ANGPTL1: variants seen among roughly 807,000 people sequenced by gnomAD.
ANGPTL1 encodes angiopoietin like 1.
Under a neutral mutation model 46.7 loss-of-function variants are expected in ANGPTL1, and 36 were observed. That is an observed-to-expected ratio of 0.77 (90% confidence interval 0.59 to 1.02). ANGPTL1 has a LOEUF of 1.02. Ranked by LOEUF, ANGPTL1 falls within the 50% of genes least tolerant of loss-of-function variation. The pLI is 0.00. For synonymous variants in ANGPTL1, 221 were observed against 204.3 expected, an observed-to-expected ratio of 1.08 and a Z score of -0.69; for missense variants, 571 against 594.7, an observed-to-expected ratio of 0.96 and a Z score of 0.41.
chr1:178,868,108 A>AT (rs1013030686), intron 2 of ANGPTL1, among the ~76,000 whole-genome samples: 12 of 151,580 alleles, frequency 7.9e-5, no homozygotes, highest in Non-Finnish European at 7.4e-5. Context: ...ACACATGGGT[A>AT]TTTTTTTTAG....
Position 178,853,708 on chromosome 1 carries a change from G to T in ANGPTL1, c.903C>A (p.Ser301Arg). ...SGIYMIKPENSNGPMQLWCEN... is the reference protein window; with the variant it reads ...SGIYMIKPENRNGPMQLWCEN... ...CACACCATAACTGCATTGGTCCATT[G>T]CTGTTTTCAGGTTTAATCATATAAA... Residue 301 changes from serine to arginine, a missense_variant, in exon 4 of 6, where the codon AGC (serine) becomes AGA (arginine). By Grantham distance (110) the Ser-to-Arg change is moderately radical. Coordinates refer to ENST00000234816, the MANE Select transcript of ANGPTL1 (RefSeq NM_004673.4). 1 of 1,612,476 alleles carries T rather than the reference G, an allele frequency of 6.2e-7. No individual in the cohort carries two copies. Among genetic ancestry groups the T allele is most frequent in the Non-Finnish European group, 8.5e-7 (1 of 1,179,234 alleles).
chr1:178,862,634 G>GATTTATTTATTTAT (rs1466813784), intron 3 of ANGPTL1, among the ~76,000 whole-genome samples: 1 of 125,774 alleles, frequency 8.0e-6, no homozygotes, highest in African/African-American at 3.1e-5. Flanking sequence ...TATTTATTTG[G>GATTTATTTATTTAT]TTGGTTGGTT....
intron 3 of ANGPTL1, 38 bp from the exon 4 acceptor site, chr1:178,853,825 T>A: frequency 6.8e-7 from 1 of 1,480,138 alleles, no homozygotes; most frequent in Non-Finnish European, 9.0e-7. Flanking sequence ...GCAAACTTAA[T>A]ATGAGAAGAG....
chr1:178,857,473 C>T lies in ANGPTL1; in HGVS notation c.824-3686G>A, dbSNP rs1201063643. Among the ~76,000 whole-genome samples the T allele has an allele frequency of 2.0e-5, 3 of 152,196 alleles. No individual in the cohort carries two copies. The Middle Eastern group carries it at 0.01, about 518-fold the overall frequency. On this transcript the variant is annotated intron_variant, in intron 3 of 5. Transcript: ENST00000234816. ...AGAAGTCACAAGAAAGAGAGAATTC[C>T]ACTATAATATGACAAGTACTTTGAT...
intron 2 of ANGPTL1, among the ~76,000 whole-genome samples, chr1:178,866,019 TCCAGCTACCA>T: frequency 6.6e-6 from 1 of 152,294 alleles, no homozygotes; most frequent in South Asian, 2.1e-4. Context: ...GAATAACTCT[TCCAGCTACCA>T]CCTTATTGTA....
intron 2 of ANGPTL1, among the ~76,000 whole-genome samples, chr1:178,868,372 C>A (rs924451977): frequency 6.6e-6 from 1 of 151,904 alleles, no homozygotes; most frequent in Admixed American, 6.6e-5. Context: ...TAACTTACCA[C>A]TGCTAAAGTC....
At chr1:178,862,370 G>A (rs962931655) in intron 3 of ANGPTL1, among the ~76,000 whole-genome samples, 2 of 152,032 alleles carry the variant, frequency 1.3e-5, no homozygotes, top group African/African-American at 2.4e-5. Context: ...TTTAGCAACT[G>A]CAGGTAAGAC....
intron 3 of ANGPTL1, among the ~76,000 whole-genome samples, chr1:178,863,117 T>C (rs1658147945): frequency 6.6e-6 from 1 of 152,202 alleles, no homozygotes; most frequent in Non-Finnish European, 1.5e-5. Flanking sequence ...CTATGGAGTC[T>C]CTGTCTTCTA....
At chr1:178,860,681 A>G (rs1657941518) in intron 3 of ANGPTL1, among the ~76,000 whole-genome samples, 1 of 152,212 alleles carries the variant, frequency 6.6e-6, no homozygotes, top group African/African-American at 2.4e-5. Flanking sequence ...ATATAAGTAG[A>G]GTCTCATACA....
At chr1:178,864,729 G>T (rs1440263218) in intron 3 of ANGPTL1, among the ~76,000 whole-genome samples, 1 of 151,994 alleles carries the variant, frequency 6.6e-6, no homozygotes, top group East Asian at 1.9e-4. Context: ...TGGAAGACTG[G>T]TTTTTTTCAC....
At chr1:178,864,848 A>G (rs1658274963) in intron 3 of ANGPTL1, 106 bp downstream of exon 3, 2 of 686,406 alleles carry the variant, frequency 2.9e-6, no homozygotes, top group Non-Finnish European at 4.2e-6. Context: ...TTTAATGTAC[A>G]TATATAACAT....
At chr1:178,852,236 AT>A (rs1657218470) in intron 5 of ANGPTL1, among the ~76,000 whole-genome samples, 1 of 151,736 alleles carries the variant, frequency 6.6e-6, no homozygotes, top group Non-Finnish European at 1.5e-5. Flanking sequence ...ACCACTTTCT[AT>A]TTTCTTACTC....
rs762840189 is a variant in ANGPTL1, at chr1:178,852,820, C to T, written c.1151G>A (p.Ser384Asn). The T allele has an allele frequency of 1.2e-6, 2 of 1,613,792 alleles. No homozygotes were observed. Among genetic ancestry groups the T allele is most frequent in the Non-Finnish European group, 1.7e-6 (2 of 1,179,874 alleles). The change falls in exon 5 of 6, where the codon AGC becomes AAC. Residue 384 changes from serine to asparagine, a missense_variant. By Grantham distance (46) the Ser-to-Asn change is conservative (BLOSUM62 1). Transcript: ENST00000234816. ...WSDKKVYAEY[S>N]SFRLEPESEF... ...ACTTTCAGGTTCCAGACGAAAGCTG[C>T]TGTATTCTGCATAGACTTTTTTATC... is the stretch of plus-strand genomic sequence containing the variant.
chr1:178,859,695 CTTTTTTTTTTTT>C (rs1190050936), intron 3 of ANGPTL1, among the ~76,000 whole-genome samples: 1 of 108,252 alleles, frequency 9.2e-6, no homozygotes, highest in Non-Finnish European at 1.9e-5. Flanking sequence ...ACACGAAGCA[CTTTTTTTTTTTT>C]TTTTTTTTTG....
At chr1:178,856,517 A>G (rs1558152890) in intron 3 of ANGPTL1, among the ~76,000 whole-genome samples, 1 of 144,254 alleles carries the variant, frequency 6.9e-6, no homozygotes, top group Non-Finnish European at 1.5e-5. Flanking sequence ...TCAGACTCCC[A>G]AAGTGTTGGG....
At chr1:178,853,353 T>A (rs972771981) in intron 4 of ANGPTL1, among the ~76,000 whole-genome samples, 1 of 152,198 alleles carries the variant, frequency 6.6e-6, no homozygotes, top group Non-Finnish European at 1.5e-5. Flanking sequence ...AAGTAGTAAG[T>A]ATAAGTCATC....
Position 178,865,392 on chromosome 1 carries a change from G to T in ANGPTL1, c.385C>A (p.Arg129Ser). ...AATTGCATATAGAGTTGAGTAACAC[G>T]AGAGTTCATGTTACGGCTTTCCTTT... is the stretch of plus-strand genomic sequence containing the variant. ...LRKESRNMNSRVTQLYMQLLH... is the reference protein window; with the variant it reads ...LRKESRNMNSSVTQLYMQLLH... Residue 129 changes from arginine to serine, a missense_variant, in exon 3 of 6, where the codon CGT (arginine) becomes AGT (serine). Coordinates refer to ENST00000234816, the MANE Select transcript of ANGPTL1 (RefSeq NM_004673.4). 6.2e-7 allele frequency: 1 copy of T among 1,614,000 alleles called. No homozygotes were observed. The highest frequency in any genetic ancestry group is 1.1e-5 in the South Asian group (1 of 91,078).
At chr1:178,862,588 A>AT (rs111564790) in intron 3 of ANGPTL1, among the ~76,000 whole-genome samples, 2 of 131,298 alleles carry the variant, frequency 1.5e-5, no homozygotes, top group African/African-American at 6.4e-5. Context: ...GAGGAGTTGC[A>AT]TTTTTTTTAT....
chr1:178,853,908 T>A, intron 3 of ANGPTL1, 121 bp from the exon 4 acceptor site: 2 of 594,130 alleles, frequency 3.4e-6, no homozygotes, highest in Non-Finnish European at 5.3e-6. Flanking sequence ...TTATCATATA[T>A]ACAATATTAT....
Sources: gnomAD v4.1 joint callset for allele counts (sites outside exome capture counted in the v4.1 genomes callset) on GRCh38, gnomAD v4.1.1 for gene constraint, MANE v1.5 for transcripts, NCBI Gene and HGNC (gene_info 2026-07-23, HGNC 2026-07-21) for gene names.